Variants in TCEA1 observed in about 807,000 individuals in gnomAD.
TCEA1 encodes transcription elongation factor A protein 1.
A neutral mutation model predicts 43.8 loss-of-function variants in TCEA1; 21 were observed. The ratio of observed to expected loss-of-function variants is 0.48; its 90% CI spans 0.34 to 0.69. The LOEUF is 0.69. Ranked by LOEUF, TCEA1 falls within the 30% of genes least tolerant of loss-of-function variation. The pLI is 0.01. For synonymous variants in TCEA1, 104 were observed against 117.5 expected (o/e 0.88, Z 0.75); for missense variants, 250 against 365.1 (o/e 0.68, Z 2.57).
At chr8:53,975,791 A>T (rs905666746) in intron 8 of TCEA1, among the ~76,000 whole-genome samples, 5 of 152,286 alleles carry the variant, frequency 3.3e-5, no homozygotes, top group African/African-American at 1.2e-4. Context: ...TGCAAGAGGA[A>T]AAGTGTTCCG....
At position 53,999,511 on chromosome 8, in the gene TCEA1, TTG is replaced by T. The variant is rs561443474; in HGVS notation, c.232+432_232+433del. ...TTCAAATGGTTCCGAAAAAAATAAT[TTG>T]TGTGTGTGCAAATAGAGAAAGAAAA... On this transcript the variant is annotated intron_variant, in intron 3 of 9. Transcript: ENST00000521604. 2.5e-5 allele frequency: 4 copies of T among 157,304 alleles called. No homozygotes were observed. The South Asian group carries it at 8.1e-4, about 32-fold the overall frequency. 9.7% of individuals were successfully genotyped at this position (157,304 alleles called of 1,614,324 possible). A position where few individuals can be genotyped will look rare whatever the true frequency, so the allele number is the denominator to read the frequency against.
intron 9 of TCEA1, among the ~76,000 whole-genome samples, chr8:53,969,011 C>T (rs1052772604): frequency 6.6e-6 from 1 of 151,296 alleles, no homozygotes; most frequent in Non-Finnish European, 1.5e-5. Flanking sequence ...GGTACTGGGC[C>T]GGCCACGGTG....
chr8:53,972,465 T>A (rs148533792), intron 8 of TCEA1: 1 of 518,856 alleles, frequency 1.9e-6, no homozygotes, highest in African/African-American at 1.9e-5. Flanking sequence ...ATGGAGAGAA[T>A]CAGATAAACC....
rs1432901416 is a variant in TCEA1 at position 53,986,183 on chromosome 8, CAGT to C, written c.523+783_523+785del. Among the ~76,000 whole-genome samples, 4 of 152,218 alleles carry C rather than the reference CAGT, an allele frequency of 2.6e-5. No individual in the cohort carries two copies. The East Asian group carries it at 7.7e-4, about 29-fold the overall frequency. On this transcript the variant is annotated intron_variant, in intron 6 of 9. Coordinates refer to ENST00000521604, the MANE Select transcript of TCEA1 (RefSeq NM_006756.4). The stretch of plus-strand genomic sequence containing the variant: ...AGAAGTAATAGATGTCACTCCTCAG[CAGT>C]AGTTTTGAAAGCCAGTATGCAATTT...
rs1803011607 is a variant in TCEA1 at position 53,967,197 on chromosome 8, T to C, written c.*907A>G. On this transcript the variant is annotated 3_prime_UTR_variant, in exon 10 of 10. Coordinates refer to ENST00000521604, the MANE Select transcript of TCEA1 (RefSeq NM_006756.4). ...CCTTAAGATTAATCCTTGGTCAGTA[T>C]AGATTTCCGAATCAAAATCTAGTCA... 1 of 204,098 alleles carries C rather than the reference T, an allele frequency of 4.9e-6. No homozygotes were observed. Among genetic ancestry groups the C allele is most frequent in the African/African-American group, 2.3e-5 (1 of 43,706 alleles). 12.6% of individuals were successfully genotyped at this position (204,098 alleles called of 1,614,324 possible). A position where few individuals can be genotyped will look rare whatever the true frequency, so the allele number is the denominator to read the frequency against.
intron 1 of TCEA1, among the ~76,000 whole-genome samples, chr8:54,015,226 G>C (rs1274969815): frequency 6.6e-6 from 1 of 151,360 alleles, no homozygotes; most frequent in Non-Finnish European, 1.5e-5. Context: ...CTGGAGTGCA[G>C]TGGCGTGATC....
At chr8:54,007,123 T>C (rs1012380280) in intron 2 of TCEA1, among the ~76,000 whole-genome samples, 2 of 152,174 alleles carry the variant, frequency 1.3e-5, no homozygotes, top group South Asian at 4.1e-4. Flanking sequence ...ATTACAGGCA[T>C]GAGCCACCTG....
At chr8:53,990,364 T>TC (rs1320347767) in intron 4 of TCEA1, among the ~76,000 whole-genome samples, 2 of 150,240 alleles carry the variant, frequency 1.3e-5, no homozygotes, top group African/African-American at 2.5e-5. Flanking sequence ...TCTTTTCTTT[T>TC]TTTTTTTTTT....
chr8:53,968,860 AAAG>A (rs960779957), intron 9 of TCEA1, among the ~76,000 whole-genome samples: 1 of 152,194 alleles, frequency 6.6e-6, no homozygotes, highest in Non-Finnish European at 1.5e-5. Context: ...CACGATTGAA[AAAG>A]AAGGTGAATG....
At chr8:53,970,351 T>C (rs890559198) in intron 9 of TCEA1, 41 bp downstream of exon 9, 3 of 1,342,368 alleles carry the variant, frequency 2.2e-6, no homozygotes, top group Admixed American at 3.4e-5. Context: ...AATCTTTCTA[T>C]TTTAAGTGAG....
intron 4 of TCEA1, 24 bp downstream of exon 4, chr8:53,993,644 A>C: frequency 6.4e-7 from 1 of 1,568,472 alleles, no homozygotes. Context: ...TTCAATATAA[A>C]TATATGTCTA....
At chr8:54,014,145 C>T (rs549460136) in intron 1 of TCEA1, among the ~76,000 whole-genome samples, 2 of 152,148 alleles carry the variant, frequency 1.3e-5, no homozygotes, top group African/African-American at 2.4e-5. Context: ...AGTGACTTGC[C>T]CAAGGTCATA....
intron 2 of TCEA1, among the ~76,000 whole-genome samples, chr8:54,005,842 A>G (rs1804420059): frequency 1.3e-5 from 2 of 152,180 alleles, no homozygotes; most frequent in Admixed American, 6.5e-5. Context: ...AACACCTTTC[A>G]GTAGTAATGC....
intron 5 of TCEA1, 46 bp from the exon 6 acceptor site, chr8:53,987,071 A>C: frequency 6.8e-7 from 1 of 1,478,456 alleles, no homozygotes; most frequent in Non-Finnish European, 9.2e-7. Context: ...AACAGATTAA[A>C]AGAAAATTCT....
intron 7 of TCEA1, 89 bp downstream of exon 7, chr8:53,984,274 T>C: frequency 8.3e-7 from 1 of 1,206,314 alleles, no homozygotes; most frequent in Non-Finnish European, 1.1e-6. Context: ...ACATATGCAA[T>C]ATTTATATAG....
Position 53,967,460 on chromosome 8 carries a change from C to G in TCEA1, c.*644G>C, listed in dbSNP as rs1803018688. The stretch of plus-strand genomic sequence containing the variant: ...TCAATAAAGTCTTGTTTCCAAAAAT[C>G]TATTAAGAACAAGTAATATACATGT... On this transcript the variant is annotated 3_prime_UTR_variant, in exon 10 of 10. Transcript: ENST00000521604. 1 of 197,412 alleles carries G rather than the reference C, an allele frequency of 5.1e-6. No individual in the cohort carries two copies. Among genetic ancestry groups the G allele is most frequent in the African/African-American group, 2.3e-5 (1 of 43,404 alleles). The allele number at this position is 197,412 out of a possible 1,614,324, so 12.2% of individuals were successfully genotyped here.
At chr8:54,001,291 A>G (rs539806722) in intron 2 of TCEA1, among the ~76,000 whole-genome samples, 29 of 152,306 alleles carry the variant, frequency 1.9e-4, no homozygotes, top group African/African-American at 7.0e-4. Flanking sequence ...GTGAAAAAAA[A>G]GAGACACCCT....
At position 54,010,298 on chromosome 8, in the gene TCEA1, TA is replaced by T. The variant is rs927061684; in HGVS notation, c.126+131del. On this transcript the variant is annotated intron_variant, in intron 2 of 9. Coordinates refer to ENST00000521604, the MANE Select transcript of TCEA1 (RefSeq NM_006756.4). ...GATTATTGATTTATATTGCCATCTT[TA>T]AAAAAAAATAGCAGTTAGTAATGGT... 469 of 610,822 alleles carry T rather than the reference TA, an allele frequency of 7.7e-4. 4 individuals carry two copies. Among genetic ancestry groups the T allele is most frequent in the Middle Eastern group, 4.4e-3 (14 of 3,182 alleles). The allele number at this position is 610,822 out of a possible 1,614,324, so 37.8% of individuals were successfully genotyped here.
In TCEA1 at chr8:54,022,247, C is replaced by A. The variant is rs532634837; in HGVS notation, c.-122G>T. 3 of 1,213,542 alleles carry A rather than the reference C, an allele frequency of 2.5e-6. No individual in the cohort carries two copies. The highest frequency in any genetic ancestry group is 4.1e-5 in the Admixed American group (2 of 48,618). 75.2% of individuals were successfully genotyped at this position (1,213,542 alleles called of 1,614,324 possible). The stretch of plus-strand genomic sequence containing the variant: ...CAACCCCCACCACCGCAGGCCCGGG[C>A]CTAGGCCCCCTTCCTTACGAACGAA... On this transcript the variant is annotated 5_prime_UTR_variant, in exon 1 of 10. Transcript: ENST00000521604.
Sources: gnomAD v4.1 joint callset for allele counts (sites outside exome capture counted in the v4.1 genomes callset) on GRCh38, gnomAD v4.1.1 for gene constraint, MANE v1.5 for transcripts, NCBI Gene and HGNC (gene_info 2026-07-23, HGNC 2026-07-21) for gene names.